The following NELL1 variants were observed in gnomAD, a reference collection of about 807,000 sequenced individuals.
The protein encoded by NELL1 is protein kinase C-binding protein NELL1.
A neutral mutation model predicts 107.4 loss-of-function variants in NELL1; 76 were observed. The observed-to-expected ratio is 0.71, with a 90% CI of 0.59 to 0.86. The LOEUF (loss-of-function observed/expected upper bound fraction) is 0.86. Among genes scored for constraint, NELL1 ranks in the 40% least tolerant of loss-of-function variants. The pLI, the probability that NELL1 is intolerant of heterozygous loss-of-function variation, is 0.00. For synonymous variants in NELL1, 353 were observed against 341.2 expected (o/e 1.03, Z -0.38); for missense variants, 1,024 against 1,005.5 (o/e 1.02, Z -0.25).
intron 14 of NELL1, among the ~76,000 whole-genome samples, chr11:21,288,310 T>G (rs1849173582): frequency 6.6e-6 from 1 of 152,126 alleles, no homozygotes; most frequent in Non-Finnish European, 1.5e-5. Flanking sequence ...AGTAAAACAG[T>G]TGGTTGGCAG....
At chr11:21,114,805 G>A (rs1490148060) in intron 13 of NELL1, among the ~76,000 whole-genome samples, 6 of 151,874 alleles carry the variant, frequency 4.0e-5, no homozygotes, top group South Asian at 2.1e-4. Flanking sequence ...TAAACATAGT[G>A]CGCTAGGATT....
At chr11:20,735,124 A>C (rs1295226106) in intron 2 of NELL1, among the ~76,000 whole-genome samples, 2 of 152,178 alleles carry the variant, frequency 1.3e-5, no homozygotes, top group African/African-American at 4.8e-5. Context: ...ACTTCAAAGA[A>C]AAACTCAGAA....
intron 15 of NELL1, among the ~76,000 whole-genome samples, chr11:21,472,796 C>T (rs1854216037): frequency 6.6e-6 from 1 of 151,872 alleles, no homozygotes; most frequent in Non-Finnish European, 1.5e-5. Context: ...AATTCACTCA[C>T]TCGTCCCCTT....
chr11:21,528,289 A>G (rs1411172896), intron 15 of NELL1, among the ~76,000 whole-genome samples: 1 of 152,160 alleles, frequency 6.6e-6, no homozygotes, highest in Admixed American at 6.5e-5. Flanking sequence ...TGTTCCCACC[A>G]AAATTCATGC....
chr11:20,677,997 A>G lies in NELL1; in HGVS notation c.121A>G (p.Thr41Ala), dbSNP rs369785010. 114 of 1,613,984 alleles carry G rather than the reference A, an allele frequency of 7.1e-5. No homozygotes were observed. The highest frequency in any genetic ancestry group is 1.3e-4 in the Admixed American group (8 of 59,990). Residue 41 changes from threonine to alanine, a missense_variant, in exon 2 of 20, where the codon ACC becomes GCC. By Grantham distance (58) the Thr-to-Ala change is moderately conservative (BLOSUM62 0). Transcript: ENST00000357134. ...DIVTELDLVN[T>A]TLGVAQVSGM... ...CGTCACCGAGCTTGACCTTGTGAAC[A>G]CCACCCTTGGAGTTGCTCAGGTGTC...
chr11:21,517,489 A>G (rs1199957709), intron 15 of NELL1, among the ~76,000 whole-genome samples: 1 of 152,172 alleles, frequency 6.6e-6, no homozygotes, highest in Non-Finnish European at 1.5e-5. Context: ...CTAGTTTACC[A>G]ACACCTGGGC....
intron 13 of NELL1, among the ~76,000 whole-genome samples, chr11:21,119,270 C>T (rs1334456976): frequency 6.6e-6 from 1 of 151,468 alleles, no homozygotes; most frequent in Admixed American, 6.6e-5. Context: ...AGCCATGGTC[C>T]TTTCAGAAGA....
At chr11:21,402,192 A>G (rs1005316579) in intron 15 of NELL1, among the ~76,000 whole-genome samples, 6 of 151,712 alleles carry the variant, frequency 4.0e-5, no homozygotes, top group Non-Finnish European at 7.4e-5. Context: ...GCGTCAACCC[A>G]TTTTACAATT....
chr11:21,199,213 G>C (rs1026267692), intron 13 of NELL1, among the ~76,000 whole-genome samples: 2 of 151,892 alleles, frequency 1.3e-5, no homozygotes, highest in African/African-American at 4.8e-5. Flanking sequence ...ATCAATCATG[G>C]ACATCTCCTA....
At chr11:21,358,906 G>T (rs1851008525) in intron 14 of NELL1, among the ~76,000 whole-genome samples, 1 of 151,936 alleles carries the variant, frequency 6.6e-6, no homozygotes. Flanking sequence ...AGGTTTTCTA[G>T]GTATACAATT....
chr11:20,819,432 T>C (rs1857699554), intron 3 of NELL1, among the ~76,000 whole-genome samples: 1 of 152,210 alleles, frequency 6.6e-6, no homozygotes, highest in Non-Finnish European at 1.5e-5. Flanking sequence ...AAGGCCGTTG[T>C]TTACATGCTG....
rs143839704 is a variant in NELL1 at position 21,293,255 on chromosome 11, C to T, written c.1549+63801C>T. Among the ~76,000 whole-genome samples the T allele has an allele frequency of 8.4e-3, 1,279 of 151,786 alleles. 15 individuals carry two copies. Among genetic ancestry groups the T allele is most frequent in the Non-Finnish European group, 0.013 (877 of 67,894 alleles). On this transcript the variant is annotated intron_variant, in intron 14 of 19. Transcript: ENST00000357134. Reference sequence around the variant, plus strand: ...AGAAAAAAAACAAACAACAAAAAACCCCATCAAAAAGTGGGTGAAGGATAT... The same window carrying T: ...AGAAAAAAAACAAACAACAAAAAACTCCATCAAAAAGTGGGTGAAGGATAT...
intron 15 of NELL1, among the ~76,000 whole-genome samples, chr11:21,491,315 G>A (rs1161170695): frequency 6.6e-6 from 1 of 152,080 alleles, no homozygotes; most frequent in Admixed American, 6.6e-5. Context: ...TTCTTCTAGG[G>A]TTTCTATGGT....
intron 11 of NELL1, 110 bp from the exon 12 acceptor site, chr11:20,960,322 A>G (rs1337101141): frequency 1.8e-6 from 2 of 1,133,780 alleles, no homozygotes; most frequent in Non-Finnish European, 2.5e-6. Context: ...ATACTGCCAA[A>G]GTGTATTTTC....
chr11:21,195,155 A>AATG (rs1382620765), intron 13 of NELL1, among the ~76,000 whole-genome samples: 2 of 152,208 alleles, frequency 1.3e-5, no homozygotes, highest in Non-Finnish European at 2.9e-5. Context: ...AGCAAGAATA[A>AATG]ATGTTCAGCA....
intron 15 of NELL1, among the ~76,000 whole-genome samples, chr11:21,496,890 C>T (rs1304329610): frequency 2.0e-5 from 3 of 152,004 alleles, no homozygotes; most frequent in South Asian, 4.2e-4. Context: ...GTTTTTTTGT[C>T]CTTGCAATAG....
At chr11:20,897,167 A>G (rs1849759849) in intron 5 of NELL1, among the ~76,000 whole-genome samples, 1 of 152,216 alleles carries the variant, frequency 6.6e-6, no homozygotes. Flanking sequence ...AAACTATACT[A>G]CAAAGCTACA....
At chr11:21,411,255 A>G (rs1405173485) in intron 15 of NELL1, among the ~76,000 whole-genome samples, 1 of 152,082 alleles carries the variant, frequency 6.6e-6, no homozygotes, top group African/African-American at 2.4e-5. Context: ...GAATCCTGCC[A>G]TATATAGAAA....
At chr11:21,461,872 C>T (rs1005054385) in intron 15 of NELL1, among the ~76,000 whole-genome samples, 14 of 152,052 alleles carry the variant, frequency 9.2e-5, no homozygotes, top group African/African-American at 3.1e-4. Flanking sequence ...GACCTGGAAA[C>T]TACAAAACAG....
Sources: gnomAD v4.1 joint callset for allele counts (sites outside exome capture counted in the v4.1 genomes callset) on GRCh38, gnomAD v4.1.1 for gene constraint, MANE v1.5 for transcripts, NCBI Gene and HGNC (gene_info 2026-07-23, HGNC 2026-07-21) for gene names.